FMN1: variants seen among roughly 807,000 people sequenced by gnomAD.
The protein encoded by FMN1 is formin 1.
In FMN1, 110 loss-of-function variants were observed where a neutral mutation model predicts 132.4. That is an observed-to-expected ratio of 0.83 (90% CI 0.71 to 0.97). The LOEUF (loss-of-function observed/expected upper bound fraction) is 0.97, where lower values mean the gene tolerates loss of function less well. FMN1 is among the 50% of genes least tolerant of loss of function. The pLI, the probability that FMN1 is intolerant of heterozygous loss-of-function variation, is 0.00. For synonymous variants in FMN1, 722 were observed against 651.7 expected, an observed-to-expected ratio of 1.11 and a Z score of -1.64; for missense variants, 1,792 against 1,705.3, an observed-to-expected ratio of 1.05 and a Z score of -0.90.
chr15:33,091,075 C>T (rs1267633618), intron 4 of FMN1, among the ~76,000 whole-genome samples: 1 of 152,130 alleles, frequency 6.6e-6, no homozygotes, highest in Non-Finnish European at 1.5e-5. Flanking sequence ...TAGCTGCTGG[C>T]TTTGGGTAAA....
intron 16 of FMN1, among the ~76,000 whole-genome samples, chr15:32,857,385 G>A (rs537556244): frequency 2.4e-4 from 36 of 152,302 alleles, no homozygotes; most frequent in African/African-American, 8.4e-4. Flanking sequence ...TCTCTGACCT[G>A]GGATAGGTAA....
intron 19 of FMN1, among the ~76,000 whole-genome samples, chr15:32,783,717 C>T (rs532138708): frequency 1.1e-4 from 14 of 131,018 alleles, no homozygotes; most frequent in South Asian, 2.5e-4. Context: ...TGCACTCCAG[C>T]CTGGGCGACA....
At chr15:32,960,558 T>C (rs879912742) in intron 9 of FMN1, among the ~76,000 whole-genome samples, 1 of 152,240 alleles carries the variant, frequency 6.6e-6, no homozygotes, top group Non-Finnish European at 1.5e-5. Flanking sequence ...TTATCCGTAA[T>C]TGAAGTCAGT....
intron 5 of FMN1, among the ~76,000 whole-genome samples, chr15:33,072,007 T>C (rs937795000): frequency 2.0e-5 from 3 of 152,154 alleles, no homozygotes; most frequent in Non-Finnish European, 4.4e-5. Context: ...GATTCTCTTT[T>C]GTCTTGTCTT....
At chr15:33,177,308 A>T (rs1437803600) in intron 3 of FMN1, among the ~76,000 whole-genome samples, 1 of 152,188 alleles carries the variant, frequency 6.6e-6, no homozygotes, top group Admixed American at 6.5e-5. Flanking sequence ...TCTTTAGGTC[A>T]TAGAATATGG....
At chr15:33,048,308 A>T (rs887860211) in intron 6 of FMN1, among the ~76,000 whole-genome samples, 10 of 152,160 alleles carry the variant, frequency 6.6e-5, no homozygotes, top group African/African-American at 2.4e-4. Context: ...CTATGCAAAG[A>T]AGTTATAAAG....
At chr15:33,107,853 G>T (rs345773) in intron 4 of FMN1, among the ~76,000 whole-genome samples, 112,136 of 152,034 alleles carry the variant, frequency 0.74, 42,069 homozygotes, top group African/African-American at 0.86. Context: ...ATCCCTCTTT[G>T]AAGACATTTA....
At chr15:33,035,163 A>G (rs12594676) in intron 6 of FMN1, among the ~76,000 whole-genome samples, 41,157 of 152,136 alleles carry the variant, frequency 0.27, 5,784 homozygotes, top group Non-Finnish European at 0.31. Flanking sequence ...ACATTAAATA[A>G]CAGGATCTAG....
chr15:33,142,440 T>C lies in FMN1; in HGVS notation c.1867+10608A>G, dbSNP rs147914506. ...ACCTCTCGCTGTTTCAATTTTTCTCTAAATTTGATACAGGATGCCAAAAAG... is the reference window on the plus strand; with the variant it reads ...ACCTCTCGCTGTTTCAATTTTTCTCCAAATTTGATACAGGATGCCAAAAAG... On this transcript the variant is annotated intron_variant, in intron 4 of 20. Coordinates refer to ENST00000616417, the MANE Select transcript of FMN1 (RefSeq NM_001277313.2). Among the ~76,000 whole-genome samples, 483 of 152,314 alleles carry C rather than the reference T, an allele frequency of 3.2e-3. 3 individuals carry two copies. The highest frequency in any genetic ancestry group is 0.011 in the African/African-American group (451 of 41,574).
At chr15:33,169,294 C>T (rs1965225296) in intron 3 of FMN1, among the ~76,000 whole-genome samples, 1 of 152,184 alleles carries the variant, frequency 6.6e-6, no homozygotes, top group African/African-American at 2.4e-5. Flanking sequence ...AGCGGCCTCA[C>T]GCTGCTTCTA....
intron 4 of FMN1, chr15:33,105,615 AG>A (rs2039455553): frequency 6.6e-6 from 1 of 152,180 alleles, no homozygotes; most frequent in Non-Finnish European, 1.5e-5. Context: ...GCGGAAAAAT[AG>A]GGAATCTTGA....
chr15:32,941,209 G>A (rs1217530740), intron 9 of FMN1, among the ~76,000 whole-genome samples: 1 of 152,136 alleles, frequency 6.6e-6, no homozygotes, highest in East Asian at 1.9e-4. Flanking sequence ...TTCTTGGGGG[G>A]AAAAGTGGCT....
chr15:32,980,020 A>T (rs1447466843), intron 7 of FMN1, among the ~76,000 whole-genome samples: 3 of 152,152 alleles, frequency 2.0e-5, no homozygotes, highest in Non-Finnish European at 4.4e-5. Context: ...TCTGCCATTG[A>T]ATGGGTTTTA....
Position 32,968,962 on chromosome 15 carries a change from T to C in FMN1, c.2739A>G (p.Leu913=), listed in dbSNP as rs1216906786. 1.1e-6 allele frequency: 1 copy of C among 884,284 alleles called. No homozygotes were observed. Among genetic ancestry groups the C allele is most frequent in the Non-Finnish European group, 1.7e-6 (1 of 577,450 alleles). 54.8% of individuals were successfully genotyped at this position (884,284 alleles called of 1,614,324 possible). ...LPPPPPPPPP[L]PPPSSAGPPP... ...GAGGTCCAGCACTTGAAGGTGGAGG[T>C]AGAGGTGGCGGTGGAGGAGGCGGAG... The change falls in exon 8 of 21, where the codon CTA becomes CTG. Residue 913 remains leucine (L), a synonymous_variant. Transcript: ENST00000616417.
chr15:32,806,822 C>T (rs2057698372), intron 17 of FMN1, among the ~76,000 whole-genome samples: 1 of 152,174 alleles, frequency 6.6e-6, no homozygotes, highest in Non-Finnish European at 1.5e-5. Flanking sequence ...ATCTCCTTCT[C>T]CAGCTTCCGT....
intron 14 of FMN1, chr15:32,899,691 T>A: frequency 2.3e-6 from 1 of 439,184 alleles, no homozygotes; most frequent in South Asian, 2.8e-5. Context: ...TGCTATCTGT[T>A]TTGTTCTCTC....
At position 32,769,824 on chromosome 15, in the gene FMN1, AGTT is replaced by A. The variant is rs2056168738; in HGVS notation, c.*4483_*4485del. The A allele has an allele frequency of 6.6e-6, 1 of 152,208 alleles. No individual in the cohort carries two copies. The highest frequency in any genetic ancestry group is 6.5e-5 in the Admixed American group (1 of 15,276). The allele number at this position is 152,208 out of a possible 1,614,324, so 9.4% of individuals were successfully genotyped here. On this transcript the variant is annotated 3_prime_UTR_variant, in exon 21 of 21. Transcript: ENST00000616417. ...CTTCTTTATTCTCTCCACTCTCTTC[AGTT>A]GTAGGGTCCCTAAAGGTAAAATAAC...
chr15:32,972,755 G>GT (rs1387185791), intron 7 of FMN1, among the ~76,000 whole-genome samples: 3 of 152,040 alleles, frequency 2.0e-5, no homozygotes, highest in African/African-American at 7.2e-5. Flanking sequence ...ATGACACCAG[G>GT]TGAGTACCTT....
intron 4 of FMN1, among the ~76,000 whole-genome samples, chr15:33,115,503 C>CAA (rs1217115834): frequency 7.0e-6 from 1 of 143,452 alleles, no homozygotes; most frequent in Non-Finnish European, 1.5e-5. Flanking sequence ...CCCCCCCCCC[C>CAA]ACACACACAC....
Sources: gnomAD v4.1 joint callset for allele counts (sites outside exome capture counted in the v4.1 genomes callset) on GRCh38, gnomAD v4.1.1 for gene constraint, MANE v1.5 for transcripts, NCBI Gene and HGNC (gene_info 2026-07-23, HGNC 2026-07-21) for gene names.